The following ADORA2B variants were observed in gnomAD, a reference collection of about 807,000 sequenced individuals.
The protein encoded by ADORA2B is adenosine A2b receptor.
In ADORA2B, 18 loss-of-function variants were observed where a neutral mutation model predicts 20.8. That is an observed-to-expected ratio of 0.87 (90% CI 0.60 to 1.29). The LOEUF (loss-of-function observed/expected upper bound fraction) is 1.29, where lower values mean the gene tolerates loss of function less well. Ranked by LOEUF, ADORA2B falls within the 50% of genes most tolerant of loss-of-function variation. ADORA2B has a pLI of 0.00. For synonymous variants in ADORA2B, 179 were observed against 178.3 expected, an observed-to-expected ratio of 1.00 and a Z score of -0.03; for missense variants, 441 against 422.7, an observed-to-expected ratio of 1.04 and a Z score of -0.38.
chr17:15,904,748 A>T, the ADORA2B span, among the ~76,000 whole-genome samples: 2 of 152,184 alleles, frequency 1.3e-5, no homozygotes, highest in Non-Finnish European at 2.9e-5. Context: ...ACAATAAAGT[A>T]TCGGTTTTGG....
chr17:15,921,277 T>A, the ADORA2B span, among the ~76,000 whole-genome samples: 4 of 152,234 alleles, frequency 2.6e-5, no homozygotes, highest in East Asian at 5.8e-4. Context: ...AACAGGCGGC[T>A]TTTACTCAAC....
At chr17:15,949,520 C>T (rs1439147364) in intron 1 of ADORA2B, among the ~76,000 whole-genome samples, 1 of 151,926 alleles carries the variant, frequency 6.6e-6, no homozygotes, top group Non-Finnish European at 1.5e-5. Flanking sequence ...CTCACACATA[C>T]ACAAAAAATT....
At chr17:15,854,106 C>T in the ADORA2B span, among the ~76,000 whole-genome samples, 1 of 152,198 alleles carries the variant, frequency 6.6e-6, no homozygotes. Context: ...CAGCCATGCA[C>T]CACCACGCCT....
At chr17:15,965,059 CAA>C (rs978974625) in intron 1 of ADORA2B, among the ~76,000 whole-genome samples, 69 of 141,592 alleles carry the variant, frequency 4.9e-4, no homozygotes, top group Non-Finnish European at 9.3e-5. Context: ...GACTCTGTCT[CAA>C]AAACAAACAA....
At chr17:15,866,813 C>T in the ADORA2B span, among the ~76,000 whole-genome samples, 2 of 151,512 alleles carry the variant, frequency 1.3e-5, no homozygotes, top group African/African-American at 4.9e-5. Flanking sequence ...CCTCTCTTTC[C>T]ACAGTCTCCC....
chr17:15,975,365 G>A lies in ADORA2B; in HGVS notation c.*23G>A, dbSNP rs1970243922. ...TGATCTAGGCTCTCGCCTCTTCCAG[G>A]AGAAGATACAAATCCACAAGAAACA... is the stretch of plus-strand genomic sequence containing the variant. On this transcript the variant is annotated 3_prime_UTR_variant, in exon 2 of 2. Coordinates refer to ENST00000304222, the MANE Select transcript of ADORA2B (RefSeq NM_000676.4). 6.3e-7 allele frequency: 1 copy of A among 1,592,460 alleles called. No homozygotes were observed. Among genetic ancestry groups the A allele is most frequent in the Non-Finnish European group, 8.5e-7 (1 of 1,171,338 alleles).
chr17:15,966,565 C>T (rs1020710534), intron 1 of ADORA2B, among the ~76,000 whole-genome samples: 4 of 152,230 alleles, frequency 2.6e-5, no homozygotes, highest in Non-Finnish European at 4.4e-5. Context: ...GGCGGTTCCC[C>T]GTTTCCTTAC....
the ADORA2B span, among the ~76,000 whole-genome samples, chr17:15,867,899 T>G: frequency 2.0e-5 from 3 of 151,956 alleles, no homozygotes; most frequent in South Asian, 2.1e-4. Context: ...GAACGGGTCA[T>G]GATGACAATG....
chr17:15,974,245 G>A (rs1970220340), intron 1 of ADORA2B: 1 of 165,546 alleles, frequency 6.0e-6, no homozygotes, highest in Admixed American at 5.6e-5. Flanking sequence ...TGTAGTCCAC[G>A]ATGTACAGAG....
intron 1 of ADORA2B, among the ~76,000 whole-genome samples, chr17:15,957,869 TTCTG>T (rs1173683307): frequency 6.6e-6 from 1 of 152,096 alleles, no homozygotes; most frequent in African/African-American, 2.4e-5. Context: ...CAAAGCAGCT[TTCTG>T]TCTATGACAT....
the ADORA2B span, among the ~76,000 whole-genome samples, chr17:15,916,417 TCA>T: frequency 2.3e-4 from 35 of 151,840 alleles, no homozygotes; most frequent in East Asian, 6.4e-3. Context: ...TCGACAAGAC[TCA>T]CATCTCCAAC....
At chr17:15,860,140 G>A in the ADORA2B span, among the ~76,000 whole-genome samples, 1 of 152,066 alleles carries the variant, frequency 6.6e-6, no homozygotes, top group Non-Finnish European at 1.5e-5. Context: ...TTGCTCAATC[G>A]ATCACGACCC....
chr17:15,921,206 T>G, the ADORA2B span, among the ~76,000 whole-genome samples: 3 of 152,220 alleles, frequency 2.0e-5, no homozygotes, highest in Non-Finnish European at 4.4e-5. Context: ...CCTGGGGATT[T>G]GGCAAATCTC....
the ADORA2B span, among the ~76,000 whole-genome samples, chr17:15,884,722 C>T: frequency 2.0e-5 from 3 of 152,210 alleles, no homozygotes; most frequent in Non-Finnish European, 4.4e-5. Context: ...CTTCCAGCTT[C>T]ATCCATGTCT....
the ADORA2B span, among the ~76,000 whole-genome samples, chr17:15,905,523 G>A: frequency 1.3e-5 from 2 of 151,824 alleles, no homozygotes; most frequent in South Asian, 4.2e-4. Flanking sequence ...AGGACTATAG[G>A]TGCACGCCAC....
chr17:15,955,781 C>T (rs1443409073), intron 1 of ADORA2B, among the ~76,000 whole-genome samples: 1 of 150,172 alleles, frequency 6.7e-6, no homozygotes, highest in African/African-American at 2.5e-5. Context: ...TGCAGTGGCA[C>T]AATCTTGGCT....
chr17:15,884,787 A>G, the ADORA2B span, among the ~76,000 whole-genome samples: 3 of 152,134 alleles, frequency 2.0e-5, no homozygotes, highest in African/African-American at 7.2e-5. Context: ...TCCATGGTGT[A>G]TATGTACCGT....
chr17:15,945,853 G>A (rs1207249239), intron 1 of ADORA2B, among the ~76,000 whole-genome samples: 2 of 150,692 alleles, frequency 1.3e-5, no homozygotes, highest in African/African-American at 4.9e-5. Flanking sequence ...CCCGGCGCCC[G>A]GGGAGGCGCC....
chr17:15,942,917 T>G (rs1969757361), upstream of ADORA2B, among the ~76,000 whole-genome samples: 1 of 152,116 alleles, frequency 6.6e-6, no homozygotes, highest in African/African-American at 2.4e-5. Context: ...CTGTGAAGCC[T>G]CCCTCACTCT....
Sources: gnomAD v4.1 joint callset for allele counts (sites outside exome capture counted in the v4.1 genomes callset) on GRCh38, gnomAD v4.1.1 for gene constraint, MANE v1.5 for transcripts, NCBI Gene and HGNC (gene_info 2026-07-23, HGNC 2026-07-21) for gene names.